Variants in ALDH7A1 observed in about 807,000 individuals in gnomAD.
The protein encoded by ALDH7A1 is alpha-aminoadipic semialdehyde dehydrogenase.
ALDH7A1 carries 63 observed loss-of-function variants against 79.9 expected under a neutral mutation model. The ratio of observed to expected loss-of-function variants is 0.79; its 90% CI spans 0.64 to 0.97. ALDH7A1 has a LOEUF of 0.97. Among genes scored for constraint, ALDH7A1 ranks in the 50% least tolerant of loss-of-function variants. The pLI, the probability that ALDH7A1 is intolerant of heterozygous loss-of-function variation, is 0.00. For synonymous variants in ALDH7A1, 240 were observed against 231.2 expected (o/e 1.04, Z -0.34); for missense variants, 627 against 665.2 (o/e 0.94, Z 0.63).
intron 9 of ALDH7A1, chr5:126,562,282 A>G (rs1750428903): frequency 6.6e-6 from 1 of 150,848 alleles, no homozygotes; most frequent in Non-Finnish European, 1.5e-5. Flanking sequence ...GGCTTACTGC[A>G]GCCTCAACCT....
At chr5:126,577,422 T>C (rs1318541971) in intron 5 of ALDH7A1, among the ~76,000 whole-genome samples, 4 of 152,202 alleles carry the variant, frequency 2.6e-5, no homozygotes, top group Admixed American at 1.3e-4. Flanking sequence ...ATATTCATTA[T>C]GCCTCTGATC....
intron 3 of ALDH7A1, among the ~76,000 whole-genome samples, chr5:126,585,953 T>C (rs186581397): frequency 6.6e-6 from 1 of 152,126 alleles, no homozygotes; most frequent in Non-Finnish European, 1.5e-5. Flanking sequence ...CTGTTTCTAG[T>C]AAAGAAAAAA....
chr5:126,581,911 G>A, intron 5 of ALDH7A1: 1 of 325,420 alleles, frequency 3.1e-6, no homozygotes, highest in South Asian at 1.6e-4. Flanking sequence ...CCGGGAGGTG[G>A]AGGTTGCAGT....
intron 3 of ALDH7A1, 36 bp from the exon 4 acceptor site, chr5:126,584,048 AG>A: frequency 6.5e-7 from 1 of 1,537,064 alleles, no homozygotes. Flanking sequence ...TCTGATTCAA[AG>A]CATAAATTCA....
intron 9 of ALDH7A1, among the ~76,000 whole-genome samples, chr5:126,563,661 T>C (rs1750474802): frequency 6.6e-6 from 1 of 152,154 alleles, no homozygotes; most frequent in Non-Finnish European, 1.5e-5. Context: ...CAGCTCTTTT[T>C]TGTATTTTTA....
rs763353456 is a variant in ALDH7A1 at position 126,570,807 on chromosome 5, A to T, written c.748T>A (p.Leu250Met). Residue 250 changes from leucine (L) to methionine (M), a missense_variant, in exon 8 of 18, where the codon TTG becomes ATG. Physicochemically the swap from Leu to Met is conservative, Grantham distance 15. Coordinates refer to ENST00000409134, the MANE Select transcript of ALDH7A1 (RefSeq NM_001182.5). ...CCAATATCTGCTCCACCACAAGTCA[A>T]GGAACAAATTGCACCAGGCAGCTTG... Reference protein sequence around the residue: ...DNKLPGAICSLTCGGADIGTA... With the variant: ...DNKLPGAICSMTCGGADIGTA... 2.5e-6 allele frequency: 4 copies of T among 1,614,056 alleles called. No homozygotes were observed. In the East Asian group the frequency reaches 8.9e-5, roughly 36 times the overall value.
intron 9 of ALDH7A1, chr5:126,562,077 A>G (rs1750420874): frequency 6.6e-6 from 1 of 152,238 alleles, no homozygotes; most frequent in African/African-American, 2.4e-5. Context: ...TTGTACACCA[A>G]TATTCATAGT....
At chr5:126,554,589 C>A in intron 12 of ALDH7A1, 196 bp from the exon 13 acceptor site, 1 of 613,366 alleles carries the variant, frequency 1.6e-6, no homozygotes, top group Admixed American at 2.3e-5. Context: ...GATCTCCATC[C>A]CAATACTCAA....
At chr5:126,578,369 A>G (rs1751048417) in intron 5 of ALDH7A1, among the ~76,000 whole-genome samples, 1 of 152,094 alleles carries the variant, frequency 6.6e-6, no homozygotes, top group Non-Finnish European at 1.5e-5. Context: ...ATCAGCTAGG[A>G]GCAGTGGCTC....
intron 11 of ALDH7A1, among the ~76,000 whole-genome samples, chr5:126,558,577 T>C (rs865806519): frequency 1.3e-5 from 2 of 152,284 alleles, no homozygotes; most frequent in Middle Eastern, 3.4e-3. Context: ...AGTACAGTGG[T>C]GCAATCATGG....
chr5:126,570,868 G>GA lies in ALDH7A1; in HGVS notation c.696-10dup. ...GAACCTTGGCTATTATCCTAGAAAG[G>GA]AAAAAGCAATTACTGAGGCAATAAT... On this transcript the variant is annotated splice_polypyrimidine_tract_variant and intron_variant, in intron 7 of 17. Coordinates refer to ENST00000409134, the MANE Select transcript of ALDH7A1 (RefSeq NM_001182.5). The GA allele has an allele frequency of 6.2e-7, 1 of 1,613,260 alleles. No individual in the cohort carries two copies. Among genetic ancestry groups the GA allele is most frequent in the Non-Finnish European group, 8.5e-7 (1 of 1,179,452 alleles).
chr5:126,556,399 C>A (rs1376064786), intron 11 of ALDH7A1, among the ~76,000 whole-genome samples: 1 of 152,002 alleles, frequency 6.6e-6, no homozygotes, highest in African/African-American at 2.4e-5. Context: ...CCCACCACCA[C>A]ACCTGGCTAA....
chr5:126,561,199 C>G (rs1454092394), intron 9 of ALDH7A1, 75 bp from the exon 10 acceptor site: 2 of 1,190,568 alleles, frequency 1.7e-6, no homozygotes, highest in Non-Finnish European at 2.4e-6. Flanking sequence ...ACAGCCTAAT[C>G]CCAATTATTA....
intron 5 of ALDH7A1, 129 bp from the exon 6 acceptor site, chr5:126,577,340 C>A: frequency 8.6e-7 from 1 of 1,158,806 alleles, no homozygotes; most frequent in South Asian, 1.3e-5. Context: ...GCTACACAGC[C>A]ATGGGATATC....
At chr5:126,581,547 G>A (rs868422047) in intron 5 of ALDH7A1, 1 of 152,072 alleles carries the variant, frequency 6.6e-6, no homozygotes, top group Admixed American at 6.6e-5. Context: ...CCTGATCCCG[G>A]GGATGTTGAG....
chr5:126,555,042 A>T (rs1419725390), intron 12 of ALDH7A1: 2 of 158,296 alleles, frequency 1.3e-5, no homozygotes, highest in African/African-American at 4.8e-5. Context: ...CACTGAAAGG[A>T]TGTTGGAGAA....
chr5:126,557,194 T>C (rs745663272), intron 11 of ALDH7A1, among the ~76,000 whole-genome samples: 3 of 152,234 alleles, frequency 2.0e-5, no homozygotes, highest in Non-Finnish European at 4.4e-5. Context: ...TAATAAACTT[T>C]AAAGTTACAA....
chr5:126,560,483 T>G (rs924047099), intron 10 of ALDH7A1, among the ~76,000 whole-genome samples: 2 of 151,920 alleles, frequency 1.3e-5, no homozygotes, highest in African/African-American at 4.8e-5. Context: ...AAAAAAAAAG[T>G]TCATCCAGAA....
intron 16 of ALDH7A1, chr5:126,549,688 G>T: frequency 3.9e-6 from 2 of 511,056 alleles, no homozygotes; most frequent in South Asian, 2.8e-5. Flanking sequence ...CATTTCAGGG[G>T]TTCACACATT....
Sources: allele counts gnomAD v4.1 joint callset (sites outside exome capture counted in the v4.1 genomes callset), GRCh38; gene constraint gnomAD v4.1.1; transcripts MANE v1.5; gene names NCBI Gene and HGNC (gene_info 2026-07-23, HGNC 2026-07-21).